Variants in JAZF1 observed in about 807,000 individuals in gnomAD.
The protein encoded by JAZF1 is juxtaposed with another zinc finger protein 1.
In JAZF1, 8 loss-of-function variants were observed where a neutral mutation model predicts 26.4. The ratio of observed to expected loss-of-function variants is 0.30; its 90% confidence interval spans 0.18 to 0.55. The LOEUF (loss-of-function observed/expected upper bound fraction) is 0.55, where lower values mean the gene tolerates loss of function less well. Among genes scored for constraint, JAZF1 ranks in the 20% least tolerant of loss-of-function variants. The pLI is 0.94. For synonymous variants in JAZF1, 126 were observed against 122.3 expected, an observed-to-expected ratio of 1.03 and a Z score of -0.20; for missense variants, 199 against 322.0, an observed-to-expected ratio of 0.62 and a Z score of 2.92.
chr7:28,062,104 CA>C (rs1368555148), intron 1 of JAZF1, among the ~76,000 whole-genome samples: 7 of 152,116 alleles, frequency 4.6e-5, no homozygotes, highest in Admixed American at 4.6e-4. Context: ...TAAATTATCA[CA>C]ACAAAACAAA....
chr7:28,083,239 T>C (rs918305618), intron 1 of JAZF1, among the ~76,000 whole-genome samples: 1 of 152,120 alleles, frequency 6.6e-6, no homozygotes, highest in Admixed American at 6.5e-5. Flanking sequence ...TAAGTTCCTG[T>C]AACGTCTCAG....
chr7:28,180,412 G>C, intron 1 of JAZF1, 51 bp downstream of exon 1: 1 of 1,457,388 alleles, frequency 6.9e-7, no homozygotes, highest in Non-Finnish European at 9.5e-7. Context: ...TCCCCGCCCG[G>C]GCAGGAGTTT....
intron 2 of JAZF1, among the ~76,000 whole-genome samples, chr7:27,938,215 T>C (rs142339756): frequency 0.011 from 1,611 of 152,368 alleles, 17 homozygotes; most frequent in South Asian, 0.063. Context: ...AATGGTAACA[T>C]CCATCCTCAA....
intron 3 of JAZF1, among the ~76,000 whole-genome samples, chr7:27,856,889 C>A (rs1195232260): frequency 6.6e-6 from 1 of 152,192 alleles, no homozygotes; most frequent in African/African-American, 2.4e-5. Context: ...TGTTTACAAA[C>A]CTTGAGCTAG....
chr7:28,023,100 G>A (rs1038282051), intron 1 of JAZF1, among the ~76,000 whole-genome samples: 2 of 152,182 alleles, frequency 1.3e-5, no homozygotes, highest in African/African-American at 4.8e-5. Context: ...ACTTAAGACA[G>A]GGGTAGTACA....
chr7:27,912,808 A>G (rs1372529200), intron 2 of JAZF1, among the ~76,000 whole-genome samples: 1 of 152,092 alleles, frequency 6.6e-6, no homozygotes, highest in Middle Eastern at 3.2e-3. Context: ...TAAAATGCAG[A>G]AAGTGCACAA....
At chr7:27,972,635 C>T (rs1018460758) in intron 2 of JAZF1, among the ~76,000 whole-genome samples, 17 of 152,126 alleles carry the variant, frequency 1.1e-4, no homozygotes, top group African/African-American at 4.1e-4. Flanking sequence ...ATCCACATTG[C>T]AGGATTATCG....
intron 2 of JAZF1, among the ~76,000 whole-genome samples, chr7:27,954,751 G>A (rs1274387688): frequency 2.2e-5 from 3 of 137,814 alleles, no homozygotes; most frequent in Non-Finnish European, 5.1e-5. Context: ...TCCAGACTGC[G>A]AACAGGACTT....
At chr7:28,113,728 T>C (rs1313106670) in intron 1 of JAZF1, among the ~76,000 whole-genome samples, 3 of 152,212 alleles carry the variant, frequency 2.0e-5, no homozygotes, top group African/African-American at 7.2e-5. Context: ...GTGACAGTCC[T>C]AGGTTCAGAC....
At chr7:28,056,444 ACAC>A in intron 1 of JAZF1, among the ~76,000 whole-genome samples, 1 of 92,700 alleles carries the variant, frequency 1.1e-5, no homozygotes, top group Middle Eastern at 5.3e-3. Context: ...CTACACACAC[ACAC>A]ACACACACAC....
At chr7:28,169,615 T>G (rs1483987087) in intron 1 of JAZF1, among the ~76,000 whole-genome samples, 1 of 152,176 alleles carries the variant, frequency 6.6e-6, no homozygotes, top group Non-Finnish European at 1.5e-5. Context: ...CTGCAAACTG[T>G]TGAGGCCAAG....
chr7:27,836,044 C>T (rs1404242766), intron 4 of JAZF1, among the ~76,000 whole-genome samples: 1 of 152,158 alleles, frequency 6.6e-6, no homozygotes, highest in African/African-American at 2.4e-5. Flanking sequence ...TGGCCAAGAT[C>T]ACATGGCTGG....
chr7:27,857,956 T>C (rs1401907356), intron 3 of JAZF1, among the ~76,000 whole-genome samples: 1 of 152,192 alleles, frequency 6.6e-6, no homozygotes, highest in African/African-American at 2.4e-5. Context: ...GAAGTCAAAT[T>C]GTCTCTGTTT....
chr7:27,989,226 G>A (rs1785840927), intron 2 of JAZF1, among the ~76,000 whole-genome samples: 1 of 152,130 alleles, frequency 6.6e-6, no homozygotes, highest in South Asian at 2.1e-4. Flanking sequence ...TGGGAAAACT[G>A]GCTAGCCATA....
At chr7:27,943,330 G>C (rs1784877112) in intron 2 of JAZF1, among the ~76,000 whole-genome samples, 1 of 152,310 alleles carries the variant, frequency 6.6e-6, no homozygotes, top group Admixed American at 6.5e-5. Flanking sequence ...GTTGTGATAA[G>C]GCTCAGGGTC....
chr7:27,920,196 G>T (rs1313908639), intron 2 of JAZF1, among the ~76,000 whole-genome samples: 1 of 152,070 alleles, frequency 6.6e-6, no homozygotes, highest in Non-Finnish European at 1.5e-5. Flanking sequence ...ATGCCTCTTG[G>T]GGAGCAAAAT....
intron 1 of JAZF1, among the ~76,000 whole-genome samples, chr7:28,085,629 T>C (rs1392862849): frequency 1.3e-5 from 2 of 152,234 alleles, no homozygotes; most frequent in Non-Finnish European, 2.9e-5. Flanking sequence ...AATGGAAGTG[T>C]TGACATCATG....
intron 3 of JAZF1, among the ~76,000 whole-genome samples, chr7:27,884,956 G>A (rs1429942865): frequency 1.3e-5 from 2 of 152,158 alleles, no homozygotes; most frequent in Non-Finnish European, 1.5e-5. Flanking sequence ...CGGGCGGAGG[G>A]ATAATGAGAT....
In JAZF1 at chr7:28,146,849, T is replaced by C. The variant is rs188848696; in HGVS notation, c.115+33614A>G. On this transcript the variant is annotated intron_variant, in intron 1 of 4. Transcript: ENST00000283928. Reference sequence around the variant, plus strand: ...GTTTTTTGCTTTTTTTGTTTCGTTTTGGTGGTTTTTTTTTGTTTTTTTTTT... The same window carrying C: ...GTTTTTTGCTTTTTTTGTTTCGTTTCGGTGGTTTTTTTTTGTTTTTTTTTT... Among the ~76,000 whole-genome samples the C allele has an allele frequency of 1.6e-3, 249 of 151,692 alleles. 1 individual carries two copies. Among genetic ancestry groups the C allele is most frequent in the African/African-American group, 5.6e-3 (233 of 41,394 alleles).
Sources: gnomAD v4.1 joint callset for allele counts (sites outside exome capture counted in the v4.1 genomes callset) on GRCh38, gnomAD v4.1.1 for gene constraint, MANE v1.5 for transcripts, NCBI Gene and HGNC (gene_info 2026-07-23, HGNC 2026-07-21) for gene names.